Variants in SPATA22 observed in about 807,000 individuals in gnomAD.
SPATA22 encodes spermatogenesis-associated protein 22.
Under a neutral mutation model 47.8 loss-of-function variants are expected in SPATA22, and 29 were observed. The ratio of observed to expected loss-of-function variants is 0.61; its 90% confidence interval spans 0.45 to 0.83. The LOEUF (loss-of-function observed/expected upper bound fraction) is 0.83, where lower values mean the gene tolerates loss of function less well. SPATA22 is among the 40% of genes least tolerant of loss of function. The probability of loss-of-function intolerance (pLI) is 0.00; values close to 1 mark genes in which losing one functional copy is unlikely to be tolerated. For synonymous variants in SPATA22, 133 were observed against 140.9 expected (o/e 0.94, Z 0.40); for missense variants, 410 against 421.7 (o/e 0.97, Z 0.24).
intron 1 of SPATA22, among the ~76,000 whole-genome samples, chr17:3,479,976 T>C (rs945514518): frequency 5.9e-5 from 9 of 152,208 alleles, no homozygotes; most frequent in Admixed American, 5.2e-4. Flanking sequence ...GAAGAAAAAC[T>C]ACTGGCCCTT....
chr17:3,498,805 A>T, intron 1 of SPATA22: 2 of 1,241,266 alleles, frequency 1.6e-6, no homozygotes, highest in Non-Finnish European at 2.2e-6. Context: ...AGAATACTGT[A>T]ATTTGTTAGT....
intron 3 of SPATA22, among the ~76,000 whole-genome samples, chr17:3,464,628 C>A (rs900223745): frequency 6.8e-6 from 1 of 146,754 alleles, no homozygotes; most frequent in African/African-American, 2.5e-5. Context: ...ACCTTTGCCC[C>A]GCCGCCCCAT....
intron 1 of SPATA22, among the ~76,000 whole-genome samples, chr17:3,503,603 T>A (rs2074014981): frequency 6.6e-6 from 1 of 152,210 alleles, no homozygotes; most frequent in Non-Finnish European, 1.5e-5. Context: ...ACAATTTATA[T>A]CACTGTGGTT....
chr17:3,475,834 A>G (rs1447025000), upstream of SPATA22, among the ~76,000 whole-genome samples: 1 of 152,248 alleles, frequency 6.6e-6, no homozygotes, highest in African/African-American at 2.4e-5. Flanking sequence ...GAATTTTTGT[A>G]TTAGTATGAA....
chr17:3,463,219 C>A (rs2073170312), intron 3 of SPATA22, among the ~76,000 whole-genome samples: 1 of 152,182 alleles, frequency 6.6e-6, no homozygotes, highest in Non-Finnish European at 1.5e-5. Context: ...TACACACTGA[C>A]ACAGTCATGT....
intron 5 of SPATA22, among the ~76,000 whole-genome samples, chr17:3,460,002 A>G (rs1398638500): frequency 6.6e-6 from 1 of 152,220 alleles, no homozygotes; most frequent in Non-Finnish European, 1.5e-5. Context: ...GAATGGTTGA[A>G]AGACATGATG....
At chr17:3,456,301 C>G (rs2150713089) in intron 5 of SPATA22, among the ~76,000 whole-genome samples, 1 of 150,528 alleles carries the variant, frequency 6.6e-6, no homozygotes, top group East Asian at 2.0e-4. Flanking sequence ...AGACCGCTAG[C>G]AAGACTAATA....
intron 5 of SPATA22, among the ~76,000 whole-genome samples, chr17:3,459,765 C>G (rs1217256277): frequency 1.3e-5 from 2 of 152,126 alleles, no homozygotes; most frequent in Non-Finnish European, 2.9e-5. Context: ...GCAGTCAGAA[C>G]TGTTAACAAA....
intron 1 of SPATA22, chr17:3,502,542 C>T (rs1419004529): frequency 6.6e-6 from 1 of 152,138 alleles, no homozygotes; most frequent in East Asian, 1.9e-4. Context: ...CCAGAGGAGA[C>T]TTTTAAGTGC....
intron 1 of SPATA22, chr17:3,501,613 G>GTTGATAAAGCAGCAGC (rs1209746911): frequency 2.9e-4 from 49 of 166,372 alleles, no homozygotes; most frequent in Non-Finnish European, 5.7e-4. Context: ...CGTAAACATA[G>GTTGATAAAGCAGCAGC]TTGATAAAGC....
chr17:3,493,560 CAAAAA>C (rs746229421), intron 1 of SPATA22, among the ~76,000 whole-genome samples: 3 of 56,384 alleles, frequency 5.3e-5, no homozygotes, highest in African/African-American at 1.5e-4. Context: ...GGTTCCATCT[CAAAAA>C]AAAAAAAAAA....
At chr17:3,453,838 A>G (rs1258126067) in intron 5 of SPATA22, among the ~76,000 whole-genome samples, 2 of 152,182 alleles carry the variant, frequency 1.3e-5, no homozygotes, top group Non-Finnish European at 2.9e-5. Flanking sequence ...CAAATATTTC[A>G]GACAAGTAAT....
At position 3,498,956 on chromosome 17, in the gene SPATA22, C is replaced by A; in HGVS notation, c.-74+14456G>T. ...TTTTAACTCTTGATGGGAAGACGATCCCACTGGGCGGAGACTGTACCGTGT... is the reference window on the plus strand; with the variant it reads ...TTTTAACTCTTGATGGGAAGACGATACCACTGGGCGGAGACTGTACCGTGT... On this transcript the variant is annotated intron_variant, in intron 1 of 8. Coordinates refer to the SPATA22 transcript ENST00000541913. The A allele has an allele frequency of 2.5e-6, 4 of 1,613,110 alleles. No homozygotes were observed. Among genetic ancestry groups the A allele is most frequent in the Non-Finnish European group, 2.5e-6 (3 of 1,179,462 alleles).
intron 1 of SPATA22, chr17:3,494,527 C>A: frequency 7.6e-7 from 1 of 1,307,670 alleles, no homozygotes; most frequent in Non-Finnish European, 1.1e-6. Flanking sequence ...AAGTTTATAG[C>A]TCATACAGCA....
At chr17:3,467,319 G>T in intron 3 of SPATA22, 107 bp downstream of exon 3, 1 of 946,814 alleles carries the variant, frequency 1.1e-6, no homozygotes, top group Non-Finnish European at 1.5e-6. Context: ...GTGGATAATG[G>T]AAAGAAGAAA....
chr17:3,477,361 G>T (rs568743558), intron 1 of SPATA22, among the ~76,000 whole-genome samples: 2 of 152,200 alleles, frequency 1.3e-5, no homozygotes, highest in African/African-American at 4.8e-5. Context: ...GCTAGGTTAG[G>T]TCCTTATTAA....
upstream of SPATA22, among the ~76,000 whole-genome samples, chr17:3,474,928 C>G (rs970989746): frequency 2.4e-4 from 37 of 152,196 alleles, no homozygotes; most frequent in Admixed American, 5.2e-4. Flanking sequence ...CCTGCAGAAC[C>G]TTAACTGAGT....
chr17:3,465,457 T>A (rs1484272371), intron 3 of SPATA22, among the ~76,000 whole-genome samples: 1 of 152,080 alleles, frequency 6.6e-6, no homozygotes, highest in Non-Finnish European at 1.5e-5. Flanking sequence ...TGCCTTGGGA[T>A]CCTGTTGATC....
At chr17:3,494,243 A>T in intron 1 of SPATA22, 1 of 787,694 alleles carries the variant, frequency 1.3e-6, no homozygotes. Flanking sequence ...ACCTCAGGTG[A>T]TCCACCCAAC....
Sources: gnomAD v4.1 joint callset for allele counts (sites outside exome capture counted in the v4.1 genomes callset) on GRCh38, gnomAD v4.1.1 for gene constraint, MANE v1.5 for transcripts, NCBI Gene and HGNC (gene_info 2026-07-23, HGNC 2026-07-21) for gene names.